Variants in UBE2R2 observed in about 807,000 individuals in gnomAD.
UBE2R2 encodes the protein ubiquitin conjugating enzyme E2 R2.
UBE2R2 carries 1 observed loss-of-function variant against 27.8 expected under a neutral mutation model. That is an observed-to-expected ratio of 0.04 (90% CI 0.01 to 0.17). The LOEUF (loss-of-function observed/expected upper bound fraction) is 0.17. Among genes scored for constraint, UBE2R2 ranks in the 10% least tolerant of loss-of-function variants. UBE2R2 has a pLI of 1.00. For synonymous variants in UBE2R2, 106 were observed against 113.3 expected (o/e 0.94, Z 0.41); for missense variants, 100 against 291.0 (o/e 0.34, Z 4.78).
chr9:33,858,719 T>G (rs1218056699), intron 1 of UBE2R2, among the ~76,000 whole-genome samples: 1 of 152,098 alleles, frequency 6.6e-6, no homozygotes, highest in Non-Finnish European at 1.5e-5. Flanking sequence ...TATTAAATAT[T>G]TTAATTAGAG....
intron 1 of UBE2R2, among the ~76,000 whole-genome samples, chr9:33,826,070 G>A (rs1304393337): frequency 6.6e-6 from 1 of 151,318 alleles, no homozygotes; most frequent in African/African-American, 2.4e-5. Flanking sequence ...TTGAACCCAG[G>A]AGGTGCAGGT....
intron 1 of UBE2R2, among the ~76,000 whole-genome samples, chr9:33,844,857 C>G (rs1002361647): frequency 4.0e-5 from 6 of 151,646 alleles, no homozygotes; most frequent in African/African-American, 1.5e-4. Flanking sequence ...ACTTCCACCT[C>G]CCGGGTTCAA....
chr9:33,840,068 AAGT>A (rs1820699695), intron 1 of UBE2R2, among the ~76,000 whole-genome samples: 1 of 152,188 alleles, frequency 6.6e-6, no homozygotes, highest in Non-Finnish European at 1.5e-5. Flanking sequence ...TGAATGAACT[AAGT>A]AGGTATGTTT....
intron 3 of UBE2R2, among the ~76,000 whole-genome samples, chr9:33,911,278 G>A (rs1822479433): frequency 6.7e-6 from 1 of 150,078 alleles, no homozygotes; most frequent in South Asian, 2.1e-4. Context: ...CATGGTGGCA[G>A]GCGCCTGTAA....
rs572936924 is a variant in UBE2R2, at chr9:33,848,670, C to T, written c.177+30736C>T. On this transcript the variant is annotated intron_variant, in intron 1 of 4. Transcript: ENST00000263228. Reference sequence around the variant, plus strand: ...GGGCTGGAGTGCAATGGCGTGATCTCGGCTCGCTGCAACCTCTGCCTCCCA... The same window carrying T: ...GGGCTGGAGTGCAATGGCGTGATCTTGGCTCGCTGCAACCTCTGCCTCCCA... 3.7e-4 allele frequency among the ~76,000 whole-genome samples: 56 copies of T among 151,476 alleles called. 1 individual carries two copies. The highest frequency in any genetic ancestry group is 3.1e-3 in the Admixed American group (47 of 15,154).
intron 1 of UBE2R2, among the ~76,000 whole-genome samples, chr9:33,882,325 C>G (rs912706680): frequency 3.9e-5 from 6 of 152,076 alleles, no homozygotes; most frequent in African/African-American, 1.4e-4. Flanking sequence ...CTCATTCTGT[C>G]GCCCAGGCTG....
Position 33,897,024 on chromosome 9 carries a change from A to ATTTTTTTTTTTTTTTTTTTTTTTTTTTT in UBE2R2, c.265-3147_265-3120dup, listed in dbSNP as rs749987839. Among the ~76,000 whole-genome samples, 2 of 40,596 alleles carry ATTTTTTTTTTTTTTTTTTTTTTTTTTTT rather than the reference A, an allele frequency of 4.9e-5. 1 individual carries two copies. The highest frequency in any genetic ancestry group is 8.4e-5 in the Non-Finnish European group (2 of 23,898). 26.6% of individuals were successfully genotyped at this position (40,596 alleles called of 152,430 possible). On this transcript the variant is annotated intron_variant, in intron 2 of 4. Transcript: ENST00000263228. ...CCAAGTAGCATACTTCTGTGGCCTAATTTTTTTTTTTTTTTTTTTTTTTTT... is the reference window on the plus strand; with the variant it reads ...CCAAGTAGCATACTTCTGTGGCCTAATTTTTTTTTTTTTTTTTTTTTTTTTTTTTTTTTTTTTTTTTTTTTTTTTTTTT...
chr9:33,912,661 T>A (rs1822519970), intron 4 of UBE2R2, among the ~76,000 whole-genome samples: 1 of 151,506 alleles, frequency 6.6e-6, no homozygotes, highest in Non-Finnish European at 1.5e-5. Flanking sequence ...AGCCTTCCAG[T>A]TTATTGGCAT....
intron 3 of UBE2R2, among the ~76,000 whole-genome samples, chr9:33,905,020 A>C (rs1168861714): frequency 1.3e-5 from 2 of 151,982 alleles, no homozygotes; most frequent in Non-Finnish European, 2.9e-5. Flanking sequence ...GTAGGGTGGG[A>C]GTGGGAGTAG....
At chr9:33,871,497 T>C (rs3849914) in intron 1 of UBE2R2, among the ~76,000 whole-genome samples, 10,334 of 152,262 alleles carry the variant, frequency 0.068, 492 homozygotes, top group Non-Finnish European at 0.099. Flanking sequence ...GGAGAACATA[T>C]GTGGTAATGG....
chr9:33,868,147 C>T (rs1254466590), intron 1 of UBE2R2, among the ~76,000 whole-genome samples: 1 of 152,136 alleles, frequency 6.6e-6, no homozygotes, highest in Non-Finnish European at 1.5e-5. Context: ...TGGCAGGCCC[C>T]TCTCCGAAGC....
chr9:33,836,095 G>T (rs529691409), intron 1 of UBE2R2, among the ~76,000 whole-genome samples: 1 of 152,300 alleles, frequency 6.6e-6, no homozygotes, highest in East Asian at 1.9e-4. Flanking sequence ...CCTGAGGTCA[G>T]GAGTTTGAGA....
At chr9:33,857,923 G>A (rs906767583) in intron 1 of UBE2R2, among the ~76,000 whole-genome samples, 1 of 151,850 alleles carries the variant, frequency 6.6e-6, no homozygotes, top group Non-Finnish European at 1.5e-5. Context: ...CTTAATAATG[G>A]CTAAAGCCCT....
intron 1 of UBE2R2, among the ~76,000 whole-genome samples, chr9:33,883,516 C>T (rs961331353): frequency 6.6e-6 from 1 of 151,478 alleles, no homozygotes; most frequent in Non-Finnish European, 1.5e-5. Context: ...GAGATCAACG[C>T]CATCCTGGCC....
chr9:33,879,194 A>G (rs1179243189), intron 1 of UBE2R2, among the ~76,000 whole-genome samples: 1 of 152,128 alleles, frequency 6.6e-6, no homozygotes, highest in East Asian at 1.9e-4. Flanking sequence ...TATTTGTGCC[A>G]CTGTACTCTA....
At chr9:33,838,342 A>G (rs1820659884) in intron 1 of UBE2R2, among the ~76,000 whole-genome samples, 1 of 146,210 alleles carries the variant, frequency 6.8e-6, no homozygotes, top group Admixed American at 6.9e-5. Context: ...TGGAGGGCCT[A>G]CTGTGTATAC....
chr9:33,914,724 A>T (rs2130824542), intron 4 of UBE2R2, among the ~76,000 whole-genome samples: 1 of 152,046 alleles, frequency 6.6e-6, no homozygotes, highest in South Asian at 2.1e-4. Context: ...GCTACTCGGG[A>T]GGCTGAAGGC....
In UBE2R2 at chr9:33,838,580, G is replaced by A. The variant is rs1011806521; in HGVS notation, c.177+20646G>A. ...ATCTTGGCTGGGCATGGTGGCTCAC[G>A]CCTGTGATCCCAGAACTTCGGGAGG... On this transcript the variant is annotated intron_variant, in intron 1 of 4. Coordinates refer to ENST00000263228, the MANE Select transcript of UBE2R2 (RefSeq NM_017811.4). 4.6e-5 allele frequency among the ~76,000 whole-genome samples: 7 copies of A among 151,898 alleles called. No individual in the cohort carries two copies. In the East Asian group the frequency reaches 7.7e-4, roughly 17 times the overall value.
chr9:33,838,269 T>G (rs1820657095), intron 1 of UBE2R2, among the ~76,000 whole-genome samples: 1 of 135,166 alleles, frequency 7.4e-6, no homozygotes, highest in African/African-American at 2.9e-5. Flanking sequence ...TTTACTGTTT[T>G]TTTTTTCTTG....
Sources: gnomAD v4.1 joint callset for allele counts (sites outside exome capture counted in the v4.1 genomes callset) on GRCh38, gnomAD v4.1.1 for gene constraint, MANE v1.5 for transcripts, NCBI Gene and HGNC (gene_info 2026-07-23, HGNC 2026-07-21) for gene names.